SYT16: variants seen among roughly 807,000 people sequenced by gnomAD.
The protein encoded by SYT16 is synaptotagmin 16.
A neutral mutation model predicts 61.4 loss-of-function variants in SYT16; 42 were observed. That is an observed-to-expected ratio of 0.68 (90% CI 0.53 to 0.89). SYT16 has a LOEUF of 0.89. SYT16 is among the 40% of genes least tolerant of loss of function. SYT16 has a pLI of 0.00. For synonymous variants in SYT16, 314 were observed against 302.3 expected (o/e 1.04, Z -0.40); for missense variants, 804 against 807.3 (o/e 1.00, Z 0.05).
At chr14:61,868,898 C>G (rs1475582322) in intron 1 of SYT16, among the ~76,000 whole-genome samples, 1 of 152,058 alleles carries the variant, frequency 6.6e-6, no homozygotes, top group African/African-American at 2.4e-5. Flanking sequence ...TCCAACAATG[C>G]TTATGAATTA....
intron 3 of SYT16, among the ~76,000 whole-genome samples, chr14:62,027,110 A>G (rs2054131367): frequency 6.6e-6 from 1 of 152,114 alleles, no homozygotes; most frequent in Non-Finnish European, 1.5e-5. Flanking sequence ...TTTGCCTTAA[A>G]TTTATCTTTT....
At chr14:61,836,519 C>G (rs2046134780) in intron 1 of SYT16, among the ~76,000 whole-genome samples, 1 of 152,216 alleles carries the variant, frequency 6.6e-6, no homozygotes, top group Admixed American at 6.5e-5. Context: ...AATCCTGTAG[C>G]CATTCTCCTA....
chr14:61,927,413 C>A (rs1303433362), intron 1 of SYT16, among the ~76,000 whole-genome samples: 1 of 152,162 alleles, frequency 6.6e-6, no homozygotes, highest in African/African-American at 2.4e-5. Flanking sequence ...TTTTATTAAC[C>A]AAAATATTTA....
intron 3 of SYT16, among the ~76,000 whole-genome samples, chr14:62,017,101 C>G (rs1226353404): frequency 2.0e-5 from 3 of 152,130 alleles, no homozygotes; most frequent in Non-Finnish European, 4.4e-5. Context: ...TTGGGTTGCT[C>G]TGTTTTATTG....
intron 3 of SYT16, among the ~76,000 whole-genome samples, chr14:62,007,611 G>C (rs1444768815): frequency 6.6e-6 from 1 of 152,024 alleles, no homozygotes; most frequent in Non-Finnish European, 1.5e-5. Flanking sequence ...ATTTTTGGAG[G>C]AAATTTCAGG....
At chr14:62,053,610 A>T (rs1483964077) in intron 3 of SYT16, among the ~76,000 whole-genome samples, 2 of 152,236 alleles carry the variant, frequency 1.3e-5, no homozygotes, top group Non-Finnish European at 2.9e-5. Context: ...TTCATTCACT[A>T]TTGAAGCATG....
intron 1 of SYT16, among the ~76,000 whole-genome samples, chr14:61,863,188 A>C (rs543102858): frequency 1.3e-5 from 2 of 152,326 alleles, no homozygotes; most frequent in African/African-American, 4.8e-5. Flanking sequence ...GTTTGTTAAG[A>C]AACTTCCAAA....
At chr14:62,043,434 G>C (rs1234509819) in intron 3 of SYT16, among the ~76,000 whole-genome samples, 2 of 140,888 alleles carry the variant, frequency 1.4e-5, no homozygotes, top group Non-Finnish European at 3.0e-5. Flanking sequence ...TTGAGATGGA[G>C]TGTTTCTCTG....
chr14:61,864,217 A>AG (rs1443817981), intron 1 of SYT16, among the ~76,000 whole-genome samples: 4 of 152,272 alleles, frequency 2.6e-5, no homozygotes, highest in Non-Finnish European at 5.9e-5. Flanking sequence ...ACGACCCAGG[A>AG]GGAGGTACTC....
intron 1 of SYT16, among the ~76,000 whole-genome samples, chr14:61,842,825 A>T (rs1272212008): frequency 2.0e-5 from 3 of 152,108 alleles, no homozygotes; most frequent in Non-Finnish European, 4.4e-5. Flanking sequence ...ACCTAATGCT[A>T]AATGACGAGT....
intron 2 of SYT16, among the ~76,000 whole-genome samples, chr14:61,975,250 T>C (rs1379763131): frequency 1.3e-5 from 2 of 152,118 alleles, no homozygotes; most frequent in African/African-American, 2.4e-5. Flanking sequence ...TAATATAATC[T>C]CCATTTTATA....
intron 1 of SYT16, among the ~76,000 whole-genome samples, chr14:61,853,594 C>T (rs373546085): frequency 5.3e-5 from 8 of 152,238 alleles, no homozygotes; most frequent in African/African-American, 1.7e-4. Context: ...GGAAACAGAA[C>T]TTCACCAGAT....
At chr14:62,068,813 T>C (rs2056171257) in intron 3 of SYT16, among the ~76,000 whole-genome samples, 1 of 152,290 alleles carries the variant, frequency 6.6e-6, no homozygotes, top group African/African-American at 2.4e-5. Context: ...TTCTTTTTTT[T>C]GAGACAGTGT....
chr14:61,977,269 A>C (rs901786509), intron 2 of SYT16, among the ~76,000 whole-genome samples: 1 of 152,178 alleles, frequency 6.6e-6, no homozygotes, highest in Non-Finnish European at 1.5e-5. Context: ...CCACATTTTC[A>C]AGTATCTTTA....
intron 1 of SYT16, among the ~76,000 whole-genome samples, chr14:61,940,538 A>G (rs1465709570): frequency 1.3e-5 from 2 of 152,202 alleles, no homozygotes; most frequent in African/African-American, 2.4e-5. Flanking sequence ...TGGATAAGTC[A>G]TTCTCTAAGC....
intron 7 of SYT16, among the ~76,000 whole-genome samples, chr14:62,090,257 A>G (rs2057026655): frequency 1.3e-5 from 2 of 152,218 alleles, no homozygotes; most frequent in South Asian, 4.1e-4. Context: ...CCTCCAGTTA[A>G]AAACAAGTTC....
At chr14:61,923,773 TAAA>T (rs893346141) in intron 1 of SYT16, among the ~76,000 whole-genome samples, 2 of 151,932 alleles carry the variant, frequency 1.3e-5, no homozygotes, top group Non-Finnish European at 2.9e-5. Flanking sequence ...TTTGGTTTTT[TAAA>T]AAAAAGTTCT....
chr14:61,945,674 T>G (rs1415500671), intron 1 of SYT16, among the ~76,000 whole-genome samples: 1 of 151,412 alleles, frequency 6.6e-6, no homozygotes, highest in Admixed American at 6.6e-5. Flanking sequence ...GCTAACACAG[T>G]GAAACCCCGT....
chr14:62,074,732 G>T (rs2056422144), intron 4 of SYT16, among the ~76,000 whole-genome samples: 1 of 152,152 alleles, frequency 6.6e-6, no homozygotes, highest in Non-Finnish European at 1.5e-5. Flanking sequence ...GGGTAATGTG[G>T]TAAACACTGA....
Sources: allele counts gnomAD v4.1 joint callset (sites outside exome capture counted in the v4.1 genomes callset), GRCh38; gene constraint gnomAD v4.1.1; transcripts MANE v1.5; gene names NCBI Gene and HGNC (gene_info 2026-07-23, HGNC 2026-07-21).